Variants in GBE1 observed in about 807,000 individuals in gnomAD.
GBE1 encodes the protein 1,4-alpha-glucan-branching enzyme.
Under a neutral mutation model 88.8 loss-of-function variants are expected in GBE1, and 70 were observed. That is an observed-to-expected ratio of 0.79 (90% CI 0.65 to 0.96). The LOEUF (loss-of-function observed/expected upper bound fraction) is 0.96, where lower values mean the gene tolerates loss of function less well. GBE1 is among the 40% of genes least tolerant of loss of function. GBE1 has a pLI of 0.00. For missense variants in GBE1, 872 were observed against 871.0 expected (o/e 1.00, Z -0.01); for synonymous variants, 284 against 300.1 (o/e 0.95, Z 0.56).
chr3:81,492,813 C>A (rs763199030), intron 15 of GBE1, among the ~76,000 whole-genome samples: 19 of 151,630 alleles, frequency 1.3e-4, no homozygotes, highest in Non-Finnish European at 2.5e-4. Context: ...TCTCAGCTCA[C>A]TGCAATCTCC....
chr3:81,729,955 T>C (rs948311524), intron 1 of GBE1, among the ~76,000 whole-genome samples: 2 of 152,162 alleles, frequency 1.3e-5, no homozygotes, highest in African/African-American at 4.8e-5. Context: ...CTGATACCAC[T>C]GGATACCCCA....
chr3:81,677,076 A>T (rs150122952), intron 2 of GBE1, among the ~76,000 whole-genome samples: 1 of 152,214 alleles, frequency 6.6e-6, no homozygotes, highest in Admixed American at 6.5e-5. Context: ...TTTGATTCAC[A>T]GTGGAGCACT....
intron 12 of GBE1, among the ~76,000 whole-genome samples, chr3:81,551,413 A>C (rs1300433144): frequency 2.0e-5 from 3 of 152,180 alleles, no homozygotes; most frequent in African/African-American, 7.2e-5. Context: ...AAGGAAAACA[A>C]ATCCTGGGGC....
chr3:81,751,798 C>G (rs192641442), intron 1 of GBE1, among the ~76,000 whole-genome samples: 64 of 152,210 alleles, frequency 4.2e-4, no homozygotes, highest in Admixed American at 1.6e-3. Flanking sequence ...AATGCATAAC[C>G]AATTTTATCA....
intron 2 of GBE1, among the ~76,000 whole-genome samples, chr3:81,687,315 T>A (rs940238267): frequency 5.9e-5 from 9 of 152,118 alleles, no homozygotes; most frequent in Non-Finnish European, 1.3e-4. Context: ...GGCAAACAGA[T>A]GTACAATATT....
At chr3:81,641,006 T>C (rs956062810) in intron 7 of GBE1, among the ~76,000 whole-genome samples, 1 of 152,146 alleles carries the variant, frequency 6.6e-6, no homozygotes. Flanking sequence ...AAAACAATGA[T>C]GTATGATCCC....
chr3:81,512,215 G>A (rs1369300879), intron 14 of GBE1, among the ~76,000 whole-genome samples: 10 of 151,692 alleles, frequency 6.6e-5, no homozygotes, highest in African/African-American at 2.4e-5. Context: ...TGGGATGGAG[G>A]CAGTGTCTGA....
chr3:81,496,520 C>T (rs553534342), intron 15 of GBE1, among the ~76,000 whole-genome samples: 20 of 152,244 alleles, frequency 1.3e-4, no homozygotes, highest in African/African-American at 4.1e-4. Flanking sequence ...GGAAAAGTTG[C>T]GTTTTGTTCT....
chr3:81,697,905 T>C (rs1705624734), intron 2 of GBE1, among the ~76,000 whole-genome samples: 2 of 151,784 alleles, frequency 1.3e-5, no homozygotes, highest in South Asian at 4.2e-4. Flanking sequence ...ATGGGAATTG[T>C]GAGCCATGAA....
At chr3:81,614,266 T>C (rs1181044995) in intron 7 of GBE1, among the ~76,000 whole-genome samples, 1 of 152,150 alleles carries the variant, frequency 6.6e-6, no homozygotes, top group Non-Finnish European at 1.5e-5. Context: ...TTGGTGTGTG[T>C]CCCCTATATC....
At chr3:81,653,949 T>C (rs765455252) in intron 3 of GBE1, among the ~76,000 whole-genome samples, 4 of 152,178 alleles carry the variant, frequency 2.6e-5, no homozygotes, top group Non-Finnish European at 5.9e-5. Flanking sequence ...AATCATCTAA[T>C]CACACATACA....
chr3:81,499,286 G>A lies in GBE1; in HGVS notation c.1935-59C>T, dbSNP rs570003171. The A allele has an allele frequency of 8.9e-4, 871 of 982,476 alleles. 1 individual carries two copies. Among genetic ancestry groups the A allele is most frequent in the Middle Eastern group, 2.1e-3 (10 of 4,848 alleles). 60.9% of individuals were successfully genotyped at this position (982,476 alleles called of 1,614,324 possible). A position where few individuals can be genotyped will look rare whatever the true frequency, so the allele number is the denominator to read the frequency against. Reference sequence around the variant, plus strand: ...AGTTGAATGAGACATTGTAAAATACGTGCTGAGAGAGCAATTTAGAAGTGA... The same window carrying A: ...AGTTGAATGAGACATTGTAAAATACATGCTGAGAGAGCAATTTAGAAGTGA... On this transcript the variant is annotated intron_variant, in intron 14 of 15. Coordinates refer to ENST00000429644, the MANE Select transcript of GBE1 (RefSeq NM_000158.4).
At chr3:81,736,515 C>A (rs956571580) in intron 1 of GBE1, among the ~76,000 whole-genome samples, 1 of 152,148 alleles carries the variant, frequency 6.6e-6, no homozygotes, top group Non-Finnish European at 1.5e-5. Flanking sequence ...GAATTCAACC[C>A]CACAAGTTAC....
chr3:81,631,739 C>CT (rs1704514727), intron 7 of GBE1, among the ~76,000 whole-genome samples: 1 of 143,430 alleles, frequency 7.0e-6, no homozygotes, highest in African/African-American at 2.7e-5. Flanking sequence ...GAGCAAGACT[C>CT]TGTCTCAAAA....
At chr3:81,641,544 C>T (rs1704678550) in intron 7 of GBE1, among the ~76,000 whole-genome samples, 1 of 152,054 alleles carries the variant, frequency 6.6e-6, no homozygotes, top group African/African-American at 2.4e-5. Flanking sequence ...ACTCTGCCTC[C>T]TTCTATAATA....
In GBE1 at chr3:81,490,377, T is replaced by C. The variant is rs1702420752; in HGVS notation, c.*30A>G. The C allele has an allele frequency of 1.9e-6, 3 of 1,579,728 alleles. No homozygotes were observed. In the South Asian group the frequency reaches 3.3e-5, roughly 17 times the overall value. On this transcript the variant is annotated 3_prime_UTR_variant, in exon 16 of 16. Transcript: ENST00000429644. ...ATAACAAGAAAACAAAACACAAATC[T>C]GCATCTGGTGGAGCTGAAATCAGGC...
intron 12 of GBE1, among the ~76,000 whole-genome samples, chr3:81,571,550 T>C (rs1052396479): frequency 5.3e-5 from 8 of 152,208 alleles, no homozygotes; most frequent in African/African-American, 1.7e-4. Context: ...GAGAGTTATA[T>C]AAAAAGCATT....
intron 1 of GBE1, among the ~76,000 whole-genome samples, chr3:81,710,232 C>CTTT (rs397990331): frequency 6.4e-5 from 6 of 93,230 alleles, no homozygotes; most frequent in Non-Finnish European, 7.7e-5. Flanking sequence ...GGTAATTAAT[C>CTTT]TTTTTTTTTT....
At chr3:81,621,307 T>C (rs1217382317) in intron 7 of GBE1, among the ~76,000 whole-genome samples, 2 of 152,230 alleles carry the variant, frequency 1.3e-5, no homozygotes, top group Non-Finnish European at 1.5e-5. Flanking sequence ...TATAATTTAA[T>C]AGATTCGACC....
Sources: gnomAD v4.1 joint callset for allele counts (sites outside exome capture counted in the v4.1 genomes callset) on GRCh38, gnomAD v4.1.1 for gene constraint, MANE v1.5 for transcripts, NCBI Gene and HGNC (gene_info 2026-07-23, HGNC 2026-07-21) for gene names.